Variants in ZNF549 observed in about 807,000 individuals in gnomAD.
ZNF549 encodes the protein zinc finger protein 549.
Under a neutral mutation model 11.1 loss-of-function variants are expected in ZNF549, and 11 were observed. The observed-to-expected ratio is 0.99, with a 90% confidence interval of 0.62 to 1.64. The LOEUF is 1.64. Ranked by LOEUF, ZNF549 falls within the 40% of genes most tolerant of loss-of-function variation. The pLI, the probability that ZNF549 is intolerant of heterozygous loss-of-function variation, is 0.00. For missense variants in ZNF549, 748 were observed against 765.1 expected, an observed-to-expected ratio of 0.98 and a Z score of 0.26; for synonymous variants, 266 against 269.1, an observed-to-expected ratio of 0.99 and a Z score of 0.11.
At position 57,538,579 on chromosome 19, in the gene ZNF549, A is replaced by G. The variant is rs1318863699; in HGVS notation, c.1575A>G (p.Arg525=). 9 of 1,614,210 alleles carry G rather than the reference A, an allele frequency of 5.6e-6. No homozygotes were observed. The highest frequency in any genetic ancestry group is 7.6e-6 in the Non-Finnish European group (9 of 1,180,044). ...KLLQHQRIHT[R]EQLCECNECG... ...TTCAGCACCAAAGAATCCATACTAG[A>G]GAACAACTTTGTGAGTGCAATGAAT... Residue 525 remains arginine, a synonymous_variant, in exon 4 of 4, where the codon AGA becomes AGG. Coordinates refer to ENST00000376233, the MANE Select transcript of ZNF549 (RefSeq NM_001199295.2).
rs563098357 is a variant in ZNF549, at chr19:57,537,918, T to C, written c.914T>C (p.Val305Ala). The stretch of plus-strand genomic sequence containing the variant: ...ATTCACACTAGAGAAAGGTCTTATG[T>C]GTGCATCGAATGTGGGAAATCCTTG... ...QRIHTRERSY[V>A]CIECGKSLSS... Residue 305 changes from valine to alanine, a missense_variant, in exon 4 of 4, where the codon GTG becomes GCG. Val to Ala is a moderately conservative substitution (Grantham distance 64, BLOSUM62 0). Coordinates refer to ENST00000376233, the MANE Select transcript of ZNF549 (RefSeq NM_001199295.2). 16 of 1,613,860 alleles carry C rather than the reference T, an allele frequency of 9.9e-6. No individual in the cohort carries two copies. Among genetic ancestry groups the C allele is most frequent in the Admixed American group, 3.3e-5 (2 of 60,006 alleles).
Position 57,536,108 on chromosome 19 carries a change from A to G in ZNF549, c.199+838A>G, listed in dbSNP as rs575289493. Among the ~76,000 whole-genome samples the G allele has an allele frequency of 6.2e-4, 95 of 152,202 alleles. 1 individual carries two copies. Among genetic ancestry groups the G allele is most frequent in the African/African-American group, 2.3e-3 (95 of 41,524 alleles). On this transcript the variant is annotated intron_variant, in intron 3 of 3. Coordinates refer to ENST00000376233, the MANE Select transcript of ZNF549 (RefSeq NM_001199295.2). Reference sequence around the variant, plus strand: ...TGATTGTCCCCTACCTCTGTTCTCCACATCTCTCCTGTTCCTGTTCTGCAG... The same window carrying G: ...TGATTGTCCCCTACCTCTGTTCTCCGCATCTCTCCTGTTCCTGTTCTGCAG...
rs1052730237 is a variant in ZNF549, at chr19:57,540,086, G to A, written c.*1159G>A. The A allele has an allele frequency of 3.9e-5, 6 of 152,186 alleles. No individual in the cohort carries two copies. The highest frequency in any genetic ancestry group is 2.1e-4 in the South Asian group (1 of 4,826). 9.4% of individuals were successfully genotyped at this position (152,186 alleles called of 1,614,324 possible). A position where few individuals can be genotyped will look rare whatever the true frequency, so the allele number is the denominator to read the frequency against. On this transcript the variant is annotated 3_prime_UTR_variant, in exon 4 of 4. Coordinates refer to ENST00000376233, the MANE Select transcript of ZNF549 (RefSeq NM_001199295.2). ...ACTGTTTTTGAGATGATTGCTGCAC[G>A]GGCAGGAAAGCAGGATTTGAGAGAA...
rs906269029 is a variant in ZNF549, at chr19:57,527,468, T to C, written c.-106T>C. Reference sequence around the variant, plus strand: ...AGGTGGTGTCCGCCCGCAGAGGAGCTTGCCTGGTCTCGGTCTGAGCGTCGC... The same window carrying C: ...AGGTGGTGTCCGCCCGCAGAGGAGCCTGCCTGGTCTCGGTCTGAGCGTCGC... On this transcript the variant is annotated 5_prime_UTR_variant, in exon 1 of 4. Transcript: ENST00000376233. 6.0e-6 allele frequency: 9 copies of C among 1,499,434 alleles called. No individual in the cohort carries two copies. In the African/African-American group the frequency reaches 1.1e-4, roughly 19 times the overall value. 92.9% of individuals were successfully genotyped at this position (1,499,434 alleles called of 1,614,324 possible). A position where few individuals can be genotyped will look rare whatever the true frequency, so the allele number is the denominator to read the frequency against.
At position 57,538,802 on chromosome 19, in the gene ZNF549, CT is replaced by C. The variant is rs1444180441; in HGVS notation, c.1800del (p.Val601LeufsTer36). On this transcript the variant is annotated frameshift_variant, in exon 4 of 4. Transcript: ENST00000376233. LOFTEE classifies it low-confidence loss of function (END_TRUNC). ...GAAGGCCTTTATCTATAAAAACAAA[CT>C]TGTTGAGCATCAGCGAATCCACACC... is the stretch of plus-strand genomic sequence containing the variant. ...CEKAFIYKNKLVEHQRIHTGE... is the reference protein window; with the variant it reads ...CEKAFIYKNKXVEHQRIHTGE... The C allele has an allele frequency of 6.2e-7, 1 of 1,614,044 alleles. No homozygotes were observed. Among genetic ancestry groups the C allele is most frequent in the African/African-American group, 1.3e-5 (1 of 74,926 alleles).
chr19:57,535,002 A>G (rs2089918083), intron 2 of ZNF549, 142 bp from the exon 3 acceptor site: 6 of 1,058,322 alleles, frequency 5.7e-6, no homozygotes, highest in Non-Finnish European at 8.0e-6. Context: ...ATGAGATTCC[A>G]TGATGTAAGG....
Position 57,537,334 on chromosome 19 carries a change from C to T in ZNF549, c.330C>T (p.Ile110=). ...ATGCTCATTCTTGTGAGATGTGTAT[C>T]CTGGTCATGAAAGACATTTTGTACC... ...IPNAHSCEMC[I]LVMKDILYLS... Residue 110 remains isoleucine, a synonymous_variant, in exon 4 of 4, where the codon ATC becomes ATT. Transcript: ENST00000376233. 1.2e-6 allele frequency: 2 copies of T among 1,614,180 alleles called. No individual in the cohort carries two copies. Among genetic ancestry groups the T allele is most frequent in the South Asian group, 2.2e-5 (2 of 91,090 alleles).
intron 1 of ZNF549, 119 bp downstream of exon 1, chr19:57,527,725 C>T: frequency 8.0e-7 from 1 of 1,256,652 alleles, no homozygotes; most frequent in Non-Finnish European, 1.1e-6. Context: ...TGGGTGGGGT[C>T]CTCAGAGCTG....
chr19:57,531,764 G>A (rs539053362), intron 2 of ZNF549, among the ~76,000 whole-genome samples: 33 of 152,280 alleles, frequency 2.2e-4, no homozygotes, highest in African/African-American at 7.9e-4. Context: ...TTGGACAAAC[G>A]GATGATTCAC....
In ZNF549 at chr19:57,537,293, G is replaced by C; in HGVS notation, c.289G>C (p.Gly97Arg). The C allele has an allele frequency of 1.2e-6, 2 of 1,614,202 alleles. No individual in the cohort carries two copies. Among genetic ancestry groups the C allele is most frequent in the Non-Finnish European group, 1.7e-6 (2 of 1,180,028 alleles). Residue 97 changes from glycine to arginine, a missense_variant, in exon 4 of 4, where the codon GGT becomes CGT. Physicochemically the swap from Gly to Arg is moderately radical, Grantham distance 125. Coordinates refer to ENST00000376233, the MANE Select transcript of ZNF549 (RefSeq NM_001199295.2). ...GTCACAGGCCAGGACTCCAAAGCTA[G>C]GTCCTTCCATCCCAAATGCTCATTC... ...GVSQARTPKLGPSIPNAHSCE... is the reference protein window; with the variant it reads ...GVSQARTPKLRPSIPNAHSCE...
intron 2 of ZNF549, among the ~76,000 whole-genome samples, chr19:57,534,426 C>A (rs1029901554): frequency 6.6e-6 from 1 of 152,132 alleles, no homozygotes; most frequent in Non-Finnish European, 1.5e-5. Flanking sequence ...TAGTTTCAGA[C>A]GGTGTGACAG....
intron 1 of ZNF549, among the ~76,000 whole-genome samples, chr19:57,529,233 A>T (rs2089892780): frequency 1.3e-5 from 2 of 152,232 alleles, no homozygotes; most frequent in Non-Finnish European, 2.9e-5. Flanking sequence ...TCTGAACAGT[A>T]GTTCCCCCTT....
Position 57,539,116 on chromosome 19 carries a change from C to A in ZNF549, c.*189C>A, listed in dbSNP as rs2089943377. 9.6e-6 allele frequency: 6 copies of A among 624,276 alleles called. No homozygotes were observed. The highest frequency in any genetic ancestry group is 4.2e-5 in the South Asian group (2 of 47,082). 38.7% of individuals were successfully genotyped at this position (624,276 alleles called of 1,614,324 possible). The stretch of plus-strand genomic sequence containing the variant: ...GTACTTTCTAATCTGCCCAGTGTTA[C>A]AACAGACACTACCATGTGGCATATC... On this transcript the variant is annotated 3_prime_UTR_variant, in exon 4 of 4. Coordinates refer to ENST00000376233, the MANE Select transcript of ZNF549 (RefSeq NM_001199295.2).
chr19:57,527,510 G>A lies in ZNF549; in HGVS notation c.-64G>A, dbSNP rs2089882730. 2 of 1,606,258 alleles carry A rather than the reference G, an allele frequency of 1.2e-6. No individual in the cohort carries two copies. Among genetic ancestry groups the A allele is most frequent in the Non-Finnish European group, 1.7e-6 (2 of 1,176,140 alleles). The stretch of plus-strand genomic sequence containing the variant: ...GAGCGTCGCCCAGCGATTTGCCACC[G>A]CACGCACGCCGGATCCCGGGCTTTA... On this transcript the variant is annotated 5_prime_UTR_variant, in exon 1 of 4. Transcript: ENST00000376233.
rs151110277 is a variant in ZNF549, at chr19:57,537,783, A to T, written c.779A>T (p.Tyr260Phe). ...TATGGGAAATCCTTGAACTCTAAAT[A>T]CTTATTTGTTGAACACCAGAGAACC... The part of the protein sequence containing the change: ...REYGKSLNSK[Y>F]LFVEHQRTHN... Residue 260 changes from tyrosine (Y) to phenylalanine (F), a missense_variant, in exon 4 of 4, where the codon TAC becomes TTC. Tyr to Phe is a conservative substitution (Grantham distance 22, BLOSUM62 3). Coordinates refer to ENST00000376233, the MANE Select transcript of ZNF549 (RefSeq NM_001199295.2). 1 of 1,614,196 alleles carries T rather than the reference A, an allele frequency of 6.2e-7. No individual in the cohort carries two copies. Among genetic ancestry groups the T allele is most frequent in the East Asian group, 2.2e-5 (1 of 44,882 alleles).
At chr19:57,536,342 G>T (rs1164528880) in intron 3 of ZNF549, among the ~76,000 whole-genome samples, 2 of 152,272 alleles carry the variant, frequency 1.3e-5, no homozygotes, top group Admixed American at 6.5e-5. Flanking sequence ...CCTGGTGATT[G>T]CATGGCTTAC....
rs376637027 is a variant in ZNF549, at chr19:57,527,645, G to A, written c.33+39G>A. 5.3e-4 allele frequency: 857 copies of A among 1,608,638 alleles called. 1 individual carries two copies. The highest frequency in any genetic ancestry group is 6.7e-4 in the Admixed American group (40 of 59,398). ...CCTCGGATCCTCACCTGGGTCCTGAGGCCCCGGACTGGGGTCACCTGCGTG... is the reference window on the plus strand; with the variant it reads ...CCTCGGATCCTCACCTGGGTCCTGAAGCCCCGGACTGGGGTCACCTGCGTG... On this transcript the variant is annotated intron_variant, in intron 1 of 3. Transcript: ENST00000376233.
chr19:57,531,849 T>G (rs950564890), intron 2 of ZNF549, among the ~76,000 whole-genome samples: 7 of 152,226 alleles, frequency 4.6e-5, no homozygotes, highest in African/African-American at 1.7e-4. Context: ...TTATAATTTT[T>G]GGGTTGTTTA....
chr19:57,539,082 A>G lies in ZNF549; in HGVS notation c.*155A>G. On this transcript the variant is annotated 3_prime_UTR_variant, in exon 4 of 4. Coordinates refer to ENST00000376233, the MANE Select transcript of ZNF549 (RefSeq NM_001199295.2). ...TCCAAGTACTTGGGAAGCTTTCTAG[A>G]GATTACTTGTACTTTCTAATCTGCC... 1 of 818,878 alleles carries G rather than the reference A, an allele frequency of 1.2e-6. No homozygotes were observed. Among genetic ancestry groups the G allele is most frequent in the Non-Finnish European group, 1.9e-6 (1 of 535,772 alleles). 50.7% of individuals were successfully genotyped at this position (818,878 alleles called of 1,614,324 possible). A position where few individuals can be genotyped will look rare whatever the true frequency, so the allele number is the denominator to read the frequency against.
Sources: allele counts gnomAD v4.1 joint callset (sites outside exome capture counted in the v4.1 genomes callset), GRCh38; gene constraint gnomAD v4.1.1; transcripts MANE v1.5; gene names NCBI Gene and HGNC (gene_info 2026-07-23, HGNC 2026-07-21).